The following USP37 variants were observed in gnomAD, a reference collection of about 807,000 sequenced individuals.
USP37 encodes ubiquitin specific peptidase 37.
Under a neutral mutation model 124.0 loss-of-function variants are expected in USP37, and 27 were observed. That is an observed-to-expected ratio of 0.22 (90% CI 0.16 to 0.30). The LOEUF is 0.30. Among genes scored for constraint, USP37 ranks in the 10% least tolerant of loss-of-function variants. The probability of loss-of-function intolerance (pLI) is 1.00; values close to 1 mark genes in which losing one functional copy is unlikely to be tolerated. For missense variants in USP37, 889 were observed against 1,140.4 expected (o/e 0.78, Z 3.17); for synonymous variants, 365 against 388.0 (o/e 0.94, Z 0.70).
At chr2:218,500,255 T>G (rs6709459) in intron 11 of USP37, among the ~76,000 whole-genome samples, 2,874 of 151,424 alleles carry the variant, frequency 0.019, 95 homozygotes, top group African/African-American at 0.065. Context: ...TTGTATTCAT[T>G]TATTTATTTA....
At chr2:218,556,408 C>T (rs1213183892) in intron 4 of USP37, among the ~76,000 whole-genome samples, 3 of 149,506 alleles carry the variant, frequency 2.0e-5, no homozygotes, top group African/African-American at 7.4e-5. Flanking sequence ...TTCTTTGAAT[C>T]TTCAGAGTGC....
At chr2:218,461,925 C>T (rs1019283736) in intron 22 of USP37, among the ~76,000 whole-genome samples, 1 of 152,100 alleles carries the variant, frequency 6.6e-6, no homozygotes, top group Admixed American at 6.6e-5. Context: ...GGGAGGCCAA[C>T]GCAGGTGGAT....
At chr2:218,503,685 A>G (rs1689517685) in intron 11 of USP37, among the ~76,000 whole-genome samples, 1 of 152,228 alleles carries the variant, frequency 6.6e-6, no homozygotes, top group Non-Finnish European at 1.5e-5. Context: ...GTTGCACTCC[A>G]GCCTGGGCAA....
chr2:218,504,358 A>G (rs939657698), intron 11 of USP37, among the ~76,000 whole-genome samples: 2 of 152,136 alleles, frequency 1.3e-5, no homozygotes, highest in Non-Finnish European at 2.9e-5. Context: ...TTTATGAGAC[A>G]GTTTTAGACT....
chr2:218,503,680 A>G (rs1037370706), intron 11 of USP37, among the ~76,000 whole-genome samples: 6 of 152,180 alleles, frequency 3.9e-5, no homozygotes, highest in Non-Finnish European at 8.8e-5. Context: ...GCACCGTTGC[A>G]CTCCAGCCTG....
In USP37 at chr2:218,510,118, G is replaced by T. The variant is rs772595718; in HGVS notation, c.886C>A (p.Pro296Thr). 2 of 1,610,470 alleles carry T rather than the reference G, an allele frequency of 1.2e-6. No homozygotes were observed. The highest frequency in any genetic ancestry group is 1.7e-6 in the Non-Finnish European group (2 of 1,179,304). Residue 296 changes from proline to threonine, a missense_variant, in exon 11 of 26, where the codon CCC becomes ACC. By Grantham distance (38) the Pro-to-Thr change is conservative. This residue lies in a region of USP37 where 374 missense variants were observed against 386.0 expected (regional missense o/e 0.97). Transcript: ENST00000258399. The stretch of plus-strand genomic sequence containing the variant: ...AATCCCAAACTTCTTTTGGCAGAGG[G>T]AGTCTGGCTTGAAACATTAGTCCTA... ...LDRTNVSSQT[P>T]SAKRSLGFLP...
intron 1 of USP37, among the ~76,000 whole-genome samples, chr2:218,564,672 G>A (rs73992517): frequency 0.04 from 6,090 of 152,178 alleles, 396 homozygotes; most frequent in African/African-American, 0.14. Flanking sequence ...GGTGGGGCAC[G>A]GGACAGGGAG....
intron 19 of USP37, 52 bp downstream of exon 19, chr2:218,476,788 C>G: frequency 1.3e-6 from 2 of 1,538,816 alleles, no homozygotes; most frequent in African/African-American, 2.8e-5. Flanking sequence ...TTTGTTTGGA[C>G]AGTAAGAGAT....
At position 218,546,951 on chromosome 2, in the gene USP37, T is replaced by G. The variant is rs747651880; in HGVS notation, c.570A>C (p.Ser190=). The part of the protein sequence containing the change: ...ARTIPSLTST[S]TPLRSGLLEN... ...CTAGCAACCCTGATCTAAGAGGTGT[T>G]GAAGTAGATGTCAAAGAAGGAATCG... Residue 190 remains serine, a synonymous_variant, in exon 7 of 26, where the codon TCA becomes TCC. Transcript: ENST00000258399. The G allele has an allele frequency of 9.3e-6, 15 of 1,612,854 alleles. 2 individuals are homozygous for G. The South Asian group carries it at 1.1e-4, about 12-fold the overall frequency.
At chr2:218,510,210 T>G in intron 10 of USP37, 70 bp from the exon 11 acceptor site, 1 of 1,492,722 alleles carries the variant, frequency 6.7e-7, no homozygotes, top group East Asian at 2.3e-5. Context: ...TTGAATAGAT[T>G]AAGAGAAGTC....
intron 11 of USP37, 22 bp from the exon 12 acceptor site, chr2:218,498,179 C>G: frequency 6.4e-7 from 1 of 1,565,820 alleles, no homozygotes; most frequent in Non-Finnish European, 8.6e-7. Flanking sequence ...AGAAATAGTG[C>G]TTTAGAAGGC....
intron 13 of USP37, among the ~76,000 whole-genome samples, chr2:218,497,018 A>G (rs1332823556): frequency 6.6e-6 from 1 of 152,108 alleles, no homozygotes; most frequent in African/African-American, 2.4e-5. Context: ...AAAAATCAAG[A>G]AACACACTAA....
intron 14 of USP37, among the ~76,000 whole-genome samples, chr2:218,488,836 T>C (rs1476269282): frequency 6.6e-6 from 1 of 151,946 alleles, no homozygotes; most frequent in Non-Finnish European, 1.5e-5. Context: ...GGTTTCTCCA[T>C]GTTGGTTAGG....
chr2:218,543,108 G>A (rs1692077346), intron 8 of USP37, among the ~76,000 whole-genome samples: 1 of 152,094 alleles, frequency 6.6e-6, no homozygotes, highest in South Asian at 2.1e-4. Flanking sequence ...TACAATTAAG[G>A]ATACTGGTCT....
rs542214731 is a variant in USP37 at position 218,535,961 on chromosome 2, A to G, written c.681-1255T>C. 5.9e-5 allele frequency among the ~76,000 whole-genome samples: 8 copies of G among 136,656 alleles called. No homozygotes were observed. The East Asian group carries it at 2.1e-3, about 35-fold the overall frequency. 89.7% of individuals were successfully genotyped at this position (136,656 alleles called of 152,430 possible). ...GAACCCAGAGGCAGAGGTTGCAGTG[A>G]GCCAGGGATCACGCCATTGCACTCC... On this transcript the variant is annotated intron_variant, in intron 8 of 25. Coordinates refer to ENST00000258399, the MANE Select transcript of USP37 (RefSeq NM_020935.3).
chr2:218,519,642 GT>G (rs200104775), intron 10 of USP37, among the ~76,000 whole-genome samples: 4 of 147,962 alleles, frequency 2.7e-5, no homozygotes, highest in South Asian at 2.1e-4. Flanking sequence ...TTTGTTTTTT[GT>G]TTTTTTTTTC....
rs775364005 is a variant in USP37, at chr2:218,466,161, G to A, written c.2315C>T (p.Thr772Ile). Residue 772 changes from threonine (T) to isoleucine (I), a missense_variant, in exon 21 of 26, where the codon ACT becomes ATT. Physicochemically the swap from Thr to Ile is moderately conservative, Grantham distance 89. Around this residue, in one of 3 missense-constraint regions of USP37, gnomAD observed 504 missense variants for 714.3 expected, o/e 0.71. Coordinates refer to ENST00000258399, the MANE Select transcript of USP37 (RefSeq NM_020935.3). Reference protein sequence around the residue: ...TITELDPASFTEITKDCDENK... With the variant: ...TITELDPASFIEITKDCDENK... ...CTCATCACAGTCTTTAGTTATCTCAGTAAAACTGGCAGGATCTGAGGAAGC... is the reference window on the plus strand; with the variant it reads ...CTCATCACAGTCTTTAGTTATCTCAATAAAACTGGCAGGATCTGAGGAAGC... The A allele has an allele frequency of 1.2e-6, 2 of 1,604,324 alleles. No individual in the cohort carries two copies. The highest frequency in any genetic ancestry group is 2.2e-5 in the East Asian group (1 of 44,714).
At chr2:218,547,430 G>GTTTA (rs1337833726) in intron 6 of USP37, among the ~76,000 whole-genome samples, 1 of 117,686 alleles carries the variant, frequency 8.5e-6, no homozygotes, top group African/African-American at 3.2e-5. Flanking sequence ...GTTGTTGTTT[G>GTTTA]TTGTTGTTTT....
At chr2:218,515,130 A>ACAAGACC (rs1690202652) in intron 10 of USP37, among the ~76,000 whole-genome samples, 2 of 152,164 alleles carry the variant, frequency 1.3e-5, no homozygotes, top group South Asian at 2.1e-4. Context: ...GAATAATGGT[A>ACAAGACC]TTTAAAAATC....
Sources: gnomAD v4.1 joint callset for allele counts (sites outside exome capture counted in the v4.1 genomes callset) on GRCh38, gnomAD v4.1.1 for gene constraint, gnomAD v4.1.1 regional missense constraint, MANE v1.5 for transcripts, NCBI Gene and HGNC (gene_info 2026-07-23, HGNC 2026-07-21) for gene names.